The following MYO10 variants were observed in gnomAD, a reference collection of about 807,000 sequenced individuals.
MYO10 encodes the protein unconventional myosin-X.
Under a neutral mutation model 257.3 loss-of-function variants are expected in MYO10, and 133 were observed. That is an observed-to-expected ratio of 0.52 (90% CI 0.45 to 0.60). The LOEUF is 0.60. Among genes scored for constraint, MYO10 ranks in the 20% least tolerant of loss-of-function variants. The pLI is 0.00. For synonymous variants in MYO10, 1,104 were observed against 1,028.6 expected (o/e 1.07, Z -1.40); for missense variants, 2,399 against 2,635.7 (o/e 0.91, Z 1.97).
chr5:16,902,489 C>T, intron 1 of MYO10: 3 of 1,543,594 alleles, frequency 1.9e-6, no homozygotes, highest in South Asian at 2.2e-5. Flanking sequence ...CAGACATGTC[C>T]CTGACTGCTG....
rs541504277 is a variant in MYO10 at position 16,817,094 on chromosome 5, A to T, written c.279+915T>A. On this transcript the variant is annotated intron_variant, in intron 3 of 40. Coordinates refer to ENST00000513610, the MANE Select transcript of MYO10 (RefSeq NM_012334.3). ...CGGCCTCACAAAGTGCTGGGATTAC[A>T]GGTGTGAGCCACAGCACCTGGCAAA... 2.0e-4 allele frequency among the ~76,000 whole-genome samples: 31 copies of T among 152,328 alleles called. No individual in the cohort carries two copies. In the South Asian group the frequency reaches 6.2e-3, roughly 31 times the overall value.
chr5:16,875,169 T>C (rs914622178), intron 2 of MYO10, among the ~76,000 whole-genome samples: 1 of 152,136 alleles, frequency 6.6e-6, no homozygotes, highest in African/African-American at 2.4e-5. Context: ...AGCCAAACCA[T>C]ATCAAGTGCC....
At chr5:16,811,663 C>T (rs1560996998) in intron 3 of MYO10, among the ~76,000 whole-genome samples, 2 of 152,184 alleles carry the variant, frequency 1.3e-5, no homozygotes. Context: ...AATCCTCCCA[C>T]CCCAGCTTCC....
Position 16,700,479 on chromosome 5 carries a change from C to A in MYO10, c.3432+484G>T, listed in dbSNP as rs1440978515. Among the ~76,000 whole-genome samples the A allele has an allele frequency of 4.6e-5, 7 of 152,160 alleles. No homozygotes were observed. In the East Asian group the frequency reaches 1.3e-3, roughly 29 times the overall value. On this transcript the variant is annotated intron_variant, in intron 25 of 40. Coordinates refer to ENST00000513610, the MANE Select transcript of MYO10 (RefSeq NM_012334.3). ...ATCACCTGAGGTCAGGAGTTCAAGA[C>A]CAGCCTGGCCAACATGGTAAAACCC...
chr5:16,928,905 T>C (rs1227896651), intron 1 of MYO10, among the ~76,000 whole-genome samples: 2 of 151,538 alleles, frequency 1.3e-5, no homozygotes, highest in African/African-American at 4.8e-5. Flanking sequence ...CAGAAGGCGC[T>C]TGGCTTTCCC....
In MYO10 at chr5:16,861,270, TGAA is replaced by T. The variant is rs770990995; in HGVS notation, c.120+16336_120+16338del. On this transcript the variant is annotated intron_variant, in intron 2 of 40. Transcript: ENST00000513610. The stretch of plus-strand genomic sequence containing the variant: ...CCTACAGCAATAAAAAAAAAAAAAG[TGAA>T]GAAAAAAAGCAGCCAGGCGCAGTGG... Among the ~76,000 whole-genome samples the T allele has an allele frequency of 1.1e-3, 146 of 137,630 alleles. 4 individuals are homozygous for T. Among genetic ancestry groups the T allele is most frequent in the Non-Finnish European group, 3.0e-4 (19 of 63,490 alleles). 90.3% of individuals were successfully genotyped at this position (137,630 alleles called of 152,430 possible). A position where few individuals can be genotyped will look rare whatever the true frequency, so the allele number is the denominator to read the frequency against.
rs1230398746 is a variant in MYO10 at position 16,880,392 on chromosome 5, A to C, written c.22-2685T>G. ...AACAGACTCCTTTCCCCACTGACCAACTCACAGAGTTCCCCGGAGAGTTAT... is the reference window on the plus strand; with the variant it reads ...AACAGACTCCTTTCCCCACTGACCACCTCACAGAGTTCCCCGGAGAGTTAT... On this transcript the variant is annotated intron_variant, in intron 1 of 40. Transcript: ENST00000513610. Among the ~76,000 whole-genome samples, 628 of 151,620 alleles carry C rather than the reference A, an allele frequency of 4.1e-3. 11 individuals are homozygous for C. Among genetic ancestry groups the C allele is most frequent in the African/African-American group, 0.015 (602 of 41,210 alleles).
At chr5:16,886,768 C>T (rs910984050) in intron 1 of MYO10, among the ~76,000 whole-genome samples, 2 of 151,954 alleles carry the variant, frequency 1.3e-5, no homozygotes, top group South Asian at 4.2e-4. Context: ...CCCGCCTCTA[C>T]TAAAAATACC....
intron 2 of MYO10, among the ~76,000 whole-genome samples, chr5:16,848,693 G>A (rs1035417308): frequency 6.6e-6 from 1 of 152,020 alleles, no homozygotes; most frequent in East Asian, 1.9e-4. Flanking sequence ...GACGGCAGAA[G>A]GGCTAGTCTC....
At chr5:16,796,520 G>A (rs1459990182) in intron 3 of MYO10, among the ~76,000 whole-genome samples, 4 of 151,478 alleles carry the variant, frequency 2.6e-5, no homozygotes, top group Admixed American at 6.6e-5. Flanking sequence ...AATAAATAGA[G>A]GCTACAGAGT....
intron 17 of MYO10, among the ~76,000 whole-genome samples, chr5:16,760,220 G>T (rs577635498): frequency 6.6e-6 from 1 of 151,444 alleles, no homozygotes; most frequent in African/African-American, 2.4e-5. Context: ...GGGAGGCCGA[G>T]GTGGGCGGAT....
chr5:16,796,456 GAAAGAAAGAAAGAAAAGAAAAGA>G lies in MYO10; in HGVS notation c.280-1646_280-1624del, dbSNP rs1560989849. ...GAAAAGAAAGACAGAAAGAAAGAAA[GAAAGAAAGAAAGAAAAGAAAAGA>G]AAAGAAAGAAAGAAAGAAGGAAAAT... is the stretch of plus-strand genomic sequence containing the variant. On this transcript the variant is annotated intron_variant, in intron 3 of 40. Coordinates refer to ENST00000513610, the MANE Select transcript of MYO10 (RefSeq NM_012334.3). Among the ~76,000 whole-genome samples, 283 of 95,180 alleles carry G rather than the reference GAAAGAAAGAAAGAAAAGAAAAGA, an allele frequency of 3.0e-3. 1 individual carries two copies. The highest frequency in any genetic ancestry group is 0.01 in the African/African-American group (275 of 26,410). 62.4% of individuals were successfully genotyped at this position (95,180 alleles called of 152,430 possible).
intron 4 of MYO10, among the ~76,000 whole-genome samples, chr5:16,793,844 T>C (rs1377058579): frequency 1.3e-5 from 2 of 150,536 alleles, no homozygotes; most frequent in Admixed American, 1.3e-4. Flanking sequence ...GGCAGGAGAA[T>C]CACTTGAACC....
At position 16,899,896 on chromosome 5, in the gene MYO10, G is replaced by A. The variant is rs550932727; in HGVS notation, c.22-22189C>T. On this transcript the variant is annotated intron_variant, in intron 1 of 40. Transcript: ENST00000513610. ...GCCTGTAATCCCAGCTACTTGGGAG[G>A]CTGAGGCAGGAGAATTGCTTGAACC... is the stretch of plus-strand genomic sequence containing the variant. Among the ~76,000 whole-genome samples the A allele has an allele frequency of 4.0e-5, 6 of 151,214 alleles. No individual in the cohort carries two copies. In the South Asian group the frequency reaches 1.3e-3, roughly 32 times the overall value.
intron 2 of MYO10, among the ~76,000 whole-genome samples, chr5:16,873,134 T>G (rs959628004): frequency 4.1e-4 from 62 of 152,156 alleles, no homozygotes; most frequent in African/African-American, 1.5e-3. Flanking sequence ...GCCTGTAAAT[T>G]CAAAAGCAAG....
chr5:16,818,380 G>A (rs1742693374), intron 2 of MYO10, among the ~76,000 whole-genome samples: 1 of 51,202 alleles, frequency 2.0e-5, no homozygotes, highest in Non-Finnish European at 4.0e-5. Context: ...GTGTGTGTGT[G>A]CGTGTGTGTG....
At chr5:16,827,844 C>A (rs115020470) in intron 2 of MYO10, among the ~76,000 whole-genome samples, 286 of 152,200 alleles carry the variant, frequency 1.9e-3, no homozygotes, top group African/African-American at 6.6e-3. Flanking sequence ...CTCATTTGAT[C>A]CTCAGATGGG....
At chr5:16,862,627 C>T (rs920669714) in intron 2 of MYO10, among the ~76,000 whole-genome samples, 1 of 152,144 alleles carries the variant, frequency 6.6e-6, no homozygotes, top group Non-Finnish European at 1.5e-5. Flanking sequence ...AAAAGAATTA[C>T]GTTTGATTCC....
chr5:16,758,818 G>A (rs1740609553), intron 17 of MYO10, among the ~76,000 whole-genome samples: 1 of 152,154 alleles, frequency 6.6e-6, no homozygotes, highest in Non-Finnish European at 1.5e-5. Flanking sequence ...GTAAAAGGCA[G>A]AAAGCATGCT....
Sources: allele counts gnomAD v4.1 joint callset (sites outside exome capture counted in the v4.1 genomes callset), GRCh38; gene constraint gnomAD v4.1.1; transcripts MANE v1.5; gene names NCBI Gene and HGNC (gene_info 2026-07-23, HGNC 2026-07-21).